RALGAPA1: variants seen among roughly 807,000 people sequenced by gnomAD.
The protein encoded by RALGAPA1 is Ral GTPase activating protein catalytic subunit alpha 1.
A neutral mutation model predicts 269.6 loss-of-function variants in RALGAPA1; 52 were observed. The observed-to-expected ratio is 0.19, with a 90% confidence interval of 0.15 to 0.24. The LOEUF is 0.24. RALGAPA1 is among the 10% of genes least tolerant of loss of function. RALGAPA1 has a pLI of 1.00. For synonymous variants in RALGAPA1, 817 were observed against 1,008.3 expected (o/e 0.81, Z 3.60); for missense variants, 1,917 against 3,013.9 (o/e 0.64, Z 8.52).
At chr14:35,739,872 T>C (rs1397507388) in intron 11 of RALGAPA1, among the ~76,000 whole-genome samples, 2 of 152,178 alleles carry the variant, frequency 1.3e-5, no homozygotes, top group Non-Finnish European at 2.9e-5. Context: ...CTGTTCATGC[T>C]ACTCTCTTAT....
intron 17 of RALGAPA1, among the ~76,000 whole-genome samples, chr14:35,697,381 C>G (rs1441324954): frequency 6.6e-6 from 1 of 151,506 alleles, no homozygotes; most frequent in Non-Finnish European, 1.5e-5. Flanking sequence ...GAGTCTTGCT[C>G]TGTCGCCCAG....
At chr14:35,670,983 A>C (rs10152097) in intron 26 of RALGAPA1, among the ~76,000 whole-genome samples, 6 of 151,516 alleles carry the variant, frequency 4.0e-5, no homozygotes, top group African/African-American at 1.5e-4. Context: ...TCTATGGTGG[A>C]TGCCTTACCA....
intron 11 of RALGAPA1, 23 bp from the exon 12 acceptor site, chr14:35,738,673 T>C (rs781591527): frequency 2.5e-6 from 4 of 1,590,444 alleles, no homozygotes; most frequent in Non-Finnish European, 8.6e-7. Flanking sequence ...ATCAAGTTTT[T>C]AATATTTCAT....
At chr14:35,564,399 G>A (rs904658631) in intron 39 of RALGAPA1, 3 of 152,118 alleles carry the variant, frequency 2.0e-5, no homozygotes, top group East Asian at 1.9e-4. Context: ...TTATTATAAC[G>A]AAAGGCAACT....
intron 4 of RALGAPA1, among the ~76,000 whole-genome samples, chr14:35,767,726 G>T (rs921504739): frequency 6.6e-5 from 10 of 151,982 alleles, no homozygotes; most frequent in Middle Eastern, 3.4e-3. Context: ...AGAAACAGAA[G>T]AGTAAATTAA....
At chr14:35,770,468 A>G (rs2074529375) in intron 4 of RALGAPA1, among the ~76,000 whole-genome samples, 1 of 152,186 alleles carries the variant, frequency 6.6e-6, no homozygotes, top group Admixed American at 6.5e-5. Context: ...ATTAAAAAAA[A>G]AAGTAACTGT....
At chr14:35,690,665 A>G (rs912051116) in intron 17 of RALGAPA1, among the ~76,000 whole-genome samples, 18 of 152,204 alleles carry the variant, frequency 1.2e-4, no homozygotes, top group Non-Finnish European at 5.9e-5. Flanking sequence ...TTTTTGGCAA[A>G]AACACCACTT....
intron 16 of RALGAPA1, among the ~76,000 whole-genome samples, chr14:35,702,567 A>G (rs1001631779): frequency 2.6e-5 from 4 of 152,144 alleles, no homozygotes; most frequent in African/African-American, 9.7e-5. Flanking sequence ...CAACAATTTT[A>G]TAATCTAATT....
At chr14:35,733,257 C>T (rs1395154676) in intron 12 of RALGAPA1, among the ~76,000 whole-genome samples, 1 of 152,130 alleles carries the variant, frequency 6.6e-6, no homozygotes, top group African/African-American at 2.4e-5. Context: ...GCGGGCGGAT[C>T]ACCTGAGTGT....
chr14:35,664,626 G>A lies in RALGAPA1; in HGVS notation c.5328+16C>T. The A allele has an allele frequency of 6.3e-7, 1 of 1,578,014 alleles. No individual in the cohort carries two copies. The highest frequency in any genetic ancestry group is 8.6e-7 in the Non-Finnish European group (1 of 1,163,740). Reference sequence around the variant, plus strand: ...AAAATCATTTAAGTGCTAAAAATTAGCATCTCATTTCTTACCTTAACATCT... The same window carrying A: ...AAAATCATTTAAGTGCTAAAAATTAACATCTCATTTCTTACCTTAACATCT... On this transcript the variant is annotated intron_variant, in intron 27 of 41. Coordinates refer to ENST00000680220, the MANE Select transcript of RALGAPA1 (RefSeq NM_001346249.2).
At chr14:35,722,390 T>C (rs892479775) in intron 15 of RALGAPA1, among the ~76,000 whole-genome samples, 2 of 152,156 alleles carry the variant, frequency 1.3e-5, no homozygotes, top group Admixed American at 6.5e-5. Flanking sequence ...GGTGGGCAGA[T>C]TGTTTGAGCC....
At chr14:35,659,326 T>G in intron 27 of RALGAPA1, 130 bp from the exon 28 acceptor site, 1 of 505,262 alleles carries the variant, frequency 2.0e-6, no homozygotes, top group East Asian at 3.3e-5. Flanking sequence ...AGACCAATAT[T>G]ATTTATAAAA....
At chr14:35,551,695 T>C (rs1431404040) in intron 39 of RALGAPA1, among the ~76,000 whole-genome samples, 3 of 151,964 alleles carry the variant, frequency 2.0e-5, no homozygotes, top group Non-Finnish European at 2.9e-5. Context: ...AGCAAGAAAA[T>C]GATTATCTAG....
chr14:35,577,569 A>G (rs1178533756), intron 37 of RALGAPA1, among the ~76,000 whole-genome samples: 3 of 152,150 alleles, frequency 2.0e-5, no homozygotes, highest in Non-Finnish European at 4.4e-5. Context: ...GTGGTTTATA[A>G]GCCATTCAGT....
chr14:35,743,079 T>C (rs979167024), intron 10 of RALGAPA1, among the ~76,000 whole-genome samples: 1 of 151,918 alleles, frequency 6.6e-6, no homozygotes, highest in Non-Finnish European at 1.5e-5. Context: ...TTTTGGGATA[T>C]GGGAAGAAAC....
chr14:35,564,231 T>C (rs1351809410), intron 39 of RALGAPA1: 1 of 152,184 alleles, frequency 6.6e-6, no homozygotes, highest in Non-Finnish European at 1.5e-5. Context: ...ACACATTAAA[T>C]TAAGGATAAC....
At chr14:35,765,756 A>C (rs1260622466) in intron 4 of RALGAPA1, 4 of 391,772 alleles carry the variant, frequency 1.0e-5, no homozygotes, top group Non-Finnish European at 1.9e-5. Flanking sequence ...TTGGCCTCTC[A>C]AAGGGCTGGG....
At position 35,791,406 on chromosome 14, in the gene RALGAPA1, C is replaced by T. The variant is rs989726295; in HGVS notation, c.107-15661G>A. Among the ~76,000 whole-genome samples, 10 of 152,128 alleles carry T rather than the reference C, an allele frequency of 6.6e-5. No homozygotes were observed. The East Asian group carries it at 1.7e-3, about 26-fold the overall frequency. On this transcript the variant is annotated intron_variant, in intron 1 of 41. Transcript: ENST00000680220. ...ATCACCTTAATTCAGAAGTTCGAGA[C>T]CAGCCTGGCCAACATGGCAAAACTC...
chr14:35,685,829 G>A (rs528326916), intron 19 of RALGAPA1, among the ~76,000 whole-genome samples: 20 of 152,186 alleles, frequency 1.3e-4, no homozygotes, highest in East Asian at 1.9e-4. Context: ...GCTGGAACCC[G>A]GGAGACGGAG....
Sources: gnomAD v4.1 joint callset for allele counts (sites outside exome capture counted in the v4.1 genomes callset) on GRCh38, gnomAD v4.1.1 for gene constraint, MANE v1.5 for transcripts, NCBI Gene and HGNC (gene_info 2026-07-23, HGNC 2026-07-21) for gene names.